Variants in CPNE8 observed in about 807,000 individuals in gnomAD.
The protein encoded by CPNE8 is copine-8.
A neutral mutation model predicts 81.5 loss-of-function variants in CPNE8; 45 were observed. The observed-to-expected ratio is 0.55, with a 90% CI of 0.44 to 0.71. The LOEUF (loss-of-function observed/expected upper bound fraction) is 0.71, where lower values mean the gene tolerates loss of function less well. CPNE8 is among the 30% of genes least tolerant of loss of function. CPNE8 has a pLI of 0.00. For synonymous variants in CPNE8, 252 were observed against 226.3 expected, an observed-to-expected ratio of 1.11 and a Z score of -1.02; for missense variants, 594 against 672.1, an observed-to-expected ratio of 0.88 and a Z score of 1.28.
chr12:38,667,726 G>A (rs1158349794), intron 19 of CPNE8, among the ~76,000 whole-genome samples: 1 of 152,096 alleles, frequency 6.6e-6, no homozygotes, highest in African/African-American at 2.4e-5. Flanking sequence ...GTATCCCCAG[G>A]TGTGTTCAAA....
At chr12:38,817,305 A>C (rs1014172353) in intron 6 of CPNE8, among the ~76,000 whole-genome samples, 2 of 152,234 alleles carry the variant, frequency 1.3e-5, no homozygotes, top group African/African-American at 4.8e-5. Flanking sequence ...AAAACTAAAA[A>C]TGAATTTATT....
At chr12:38,750,564 A>C (rs1007092705) in intron 10 of CPNE8, among the ~76,000 whole-genome samples, 1 of 152,128 alleles carries the variant, frequency 6.6e-6, no homozygotes, top group Non-Finnish European at 1.5e-5. Context: ...GTCAAACGAG[A>C]TGATTTTGGA....
At chr12:38,687,235 A>T (rs796663662) in intron 15 of CPNE8, among the ~76,000 whole-genome samples, 6 of 152,240 alleles carry the variant, frequency 3.9e-5, no homozygotes, top group African/African-American at 1.4e-4. Flanking sequence ...AAAGAAACCA[A>T]GGCAATGAGA....
intron 3 of CPNE8, among the ~76,000 whole-genome samples, chr12:38,869,319 T>C (rs1463754521): frequency 6.6e-6 from 1 of 152,214 alleles, no homozygotes; most frequent in African/African-American, 2.4e-5. Context: ...AATTATAATG[T>C]ATCCTTAATT....
chr12:38,675,765 G>C lies in CPNE8; in HGVS notation c.1384C>G (p.Leu462Val). 2 of 1,600,874 alleles carry C rather than the reference G, an allele frequency of 1.2e-6. No individual in the cohort carries two copies. Among genetic ancestry groups the C allele is most frequent in the Non-Finnish European group, 1.7e-6 (2 of 1,168,428 alleles). Reference sequence around the variant, plus strand: ...CCTACTATAATTATTGACATTGGAAGTTTTGAGGCCTTCAAAGAGAATATA... The same window carrying C: ...CCTACTATAATTATTGACATTGGAACTTTTGAGGCCTTCAAAGAGAATATA... ...TKESIVNASK[L>V]PMSIIIVGVG... The change falls in exon 18 of 20, where the codon CTT becomes GTT. Residue 462 changes from leucine to valine, a missense_variant. Physicochemically the swap from Leu to Val is conservative, Grantham distance 32. Transcript: ENST00000331366.
Position 38,702,930 on chromosome 12 carries a change from G to T in CPNE8, c.915-9C>A. ...TGAAATTGATTTGCGTCCTGGAATA[G>T]AAGTAAACAAGACTCATTAATAATG... On this transcript the variant is annotated splice_polypyrimidine_tract_variant and intron_variant, in intron 13 of 19. Coordinates refer to ENST00000331366, the MANE Select transcript of CPNE8 (RefSeq NM_153634.3). 1 of 1,566,064 alleles carries T rather than the reference G, an allele frequency of 6.4e-7. No homozygotes were observed. The highest frequency in any genetic ancestry group is 8.7e-7 in the Non-Finnish European group (1 of 1,149,388).
At chr12:38,809,546 C>G (rs1053864516) in intron 6 of CPNE8, among the ~76,000 whole-genome samples, 1 of 152,154 alleles carries the variant, frequency 6.6e-6, no homozygotes, top group African/African-American at 2.4e-5. Context: ...CATAACATAA[C>G]TATAGTTGTG....
chr12:38,899,941 T>C (rs940160958), intron 1 of CPNE8, among the ~76,000 whole-genome samples: 3 of 152,046 alleles, frequency 2.0e-5, no homozygotes, highest in African/African-American at 4.8e-5. Context: ...ACACACAGAT[T>C]TAAAAAATAG....
intron 6 of CPNE8, among the ~76,000 whole-genome samples, chr12:38,824,591 G>C (rs1028929402): frequency 2.0e-5 from 3 of 151,696 alleles, no homozygotes; most frequent in Non-Finnish European, 4.4e-5. Flanking sequence ...AAAAAACAAG[G>C]AAGTATTCTG....
chr12:38,662,255 C>A (rs1400235986), intron 19 of CPNE8, among the ~76,000 whole-genome samples: 3 of 152,026 alleles, frequency 2.0e-5, no homozygotes, highest in Admixed American at 2.0e-4. Flanking sequence ...ATATGGAAAA[C>A]CCTGAGAATA....
At chr12:38,831,305 C>T (rs1275775571) in intron 5 of CPNE8, among the ~76,000 whole-genome samples, 2 of 152,108 alleles carry the variant, frequency 1.3e-5, no homozygotes, top group Non-Finnish European at 2.9e-5. Context: ...TCAGAAGCAA[C>T]CAGAAGCCTT....
intron 13 of CPNE8, among the ~76,000 whole-genome samples, chr12:38,715,793 C>T (rs751842921): frequency 6.6e-5 from 10 of 151,874 alleles, no homozygotes; most frequent in Non-Finnish European, 1.2e-4. Flanking sequence ...TCCTACCCAG[C>T]GCAATCAGAC....
At chr12:38,791,434 T>A (rs927220195) in intron 6 of CPNE8, among the ~76,000 whole-genome samples, 2 of 151,386 alleles carry the variant, frequency 1.3e-5, no homozygotes, top group Non-Finnish European at 3.0e-5. Flanking sequence ...GCTAAGGTAA[T>A]TATTAAAACA....
intron 7 of CPNE8, among the ~76,000 whole-genome samples, chr12:38,769,241 G>A (rs762818921): frequency 2.0e-5 from 3 of 152,130 alleles, no homozygotes; most frequent in Non-Finnish European, 4.4e-5. Context: ...CTTGTAGCAT[G>A]TAGCTGTGAT....
intron 6 of CPNE8, among the ~76,000 whole-genome samples, chr12:38,787,729 CAAAT>C (rs1360467891): frequency 9.9e-5 from 15 of 151,066 alleles, no homozygotes; most frequent in South Asian, 4.2e-4. Context: ...AGAGAAGAGC[CAAAT>C]AAATAAAATC....
intron 3 of CPNE8, among the ~76,000 whole-genome samples, chr12:38,871,778 G>A (rs1418162788): frequency 1.3e-5 from 2 of 152,140 alleles, no homozygotes; most frequent in Non-Finnish European, 2.9e-5. Flanking sequence ...CAAAGAAGAA[G>A]CAGACATAGC....
chr12:38,713,725 A>G (rs1229738360), intron 13 of CPNE8, among the ~76,000 whole-genome samples: 4 of 152,202 alleles, frequency 2.6e-5, no homozygotes, highest in Non-Finnish European at 1.5e-5. Context: ...TTTTAAAATT[A>G]TGTCTCTTTG....
At chr12:38,675,599 A>G in intron 18 of CPNE8, 118 bp downstream of exon 18, 1 of 681,134 alleles carries the variant, frequency 1.5e-6, no homozygotes, top group Non-Finnish European at 2.6e-6. Context: ...AACATTATAT[A>G]CAAACCCAAA....
intron 5 of CPNE8, among the ~76,000 whole-genome samples, chr12:38,834,367 C>T (rs891198745): frequency 6.6e-6 from 1 of 152,100 alleles, no homozygotes; most frequent in African/African-American, 2.4e-5. Flanking sequence ...AATCCTCACC[C>T]CCCTGCCTCA....
Sources: allele counts gnomAD v4.1 joint callset (sites outside exome capture counted in the v4.1 genomes callset), GRCh38; gene constraint gnomAD v4.1.1; transcripts MANE v1.5; gene names NCBI Gene and HGNC (gene_info 2026-07-23, HGNC 2026-07-21).